Variants in AMOTL1 observed in about 807,000 individuals in gnomAD.
The protein encoded by AMOTL1 is angiomotin-like protein 1.
In AMOTL1, 45 loss-of-function variants were observed where a neutral mutation model predicts 102.9. The observed-to-expected ratio is 0.44, with a 90% CI of 0.34 to 0.56. The LOEUF (loss-of-function observed/expected upper bound fraction) is 0.56, where lower values mean the gene tolerates loss of function less well. AMOTL1 is among the 20% of genes least tolerant of loss of function. The pLI is 0.01. For missense variants in AMOTL1, 1,114 were observed against 1,225.6 expected, an observed-to-expected ratio of 0.91 and a Z score of 1.36; for synonymous variants, 481 against 484.7, an observed-to-expected ratio of 0.99 and a Z score of 0.10.
At chr11:94,835,540 G>A (rs1331062220) in intron 6 of AMOTL1, among the ~76,000 whole-genome samples, 2 of 152,244 alleles carry the variant, frequency 1.3e-5, no homozygotes, top group African/African-American at 2.4e-5. Flanking sequence ...TGAAGAAAAT[G>A]AACTGGTGGA....
intron 4 of AMOTL1, among the ~76,000 whole-genome samples, chr11:94,827,326 ATGG>A (rs1565370322): frequency 6.6e-6 from 1 of 152,208 alleles, no homozygotes; most frequent in African/African-American, 2.4e-5. Context: ...CACCACTCTC[ATGG>A]TGGATGCCTC....
rs1334560331 is a variant in AMOTL1, at chr11:94,872,587, C to T, written c.*1792C>T. On this transcript the variant is annotated 3_prime_UTR_variant, in exon 13 of 13. Transcript: ENST00000433060. ...GAGAGGGAAGGGAAGAAATCAGTGG[C>T]TTTGGCCAGCCTCTGTGCCACCCAG... 1.3e-5 allele frequency: 2 copies of T among 152,412 alleles called. No homozygotes were observed. The highest frequency in any genetic ancestry group is 2.4e-5 in the African/African-American group (1 of 41,436). 9.4% of individuals were successfully genotyped at this position (152,412 alleles called of 1,614,324 possible).
chr11:94,767,588 A>G (rs1236331985), upstream of AMOTL1, among the ~76,000 whole-genome samples: 4 of 152,190 alleles, frequency 2.6e-5, no homozygotes, highest in Admixed American at 6.5e-5. Context: ...CTGCCCGGAA[A>G]AAGCCAGGCA....
At chr11:94,707,283 T>TGTGTGTGTGA (rs1491446043) in intron 1 of AMOTL1, among the ~76,000 whole-genome samples, 4 of 150,384 alleles carry the variant, frequency 2.7e-5, no homozygotes, top group African/African-American at 7.3e-5. Flanking sequence ...TGTGTGTGTG[T>TGTGTGTGTGA]GAAGGCAGAC....
chr11:94,741,036 G>T, intron 3 of AMOTL1: 1 of 1,269,518 alleles, frequency 7.9e-7, no homozygotes, highest in Non-Finnish European at 1.0e-6. Context: ...AATTCTGCCC[G>T]AGAACTGCGA....
At position 94,853,971 on chromosome 11, in the gene AMOTL1, G is replaced by A. The variant is rs745388698; in HGVS notation, c.1833G>A (p.Lys611=). ...AAGCATATGTTGAGAAAGTTGAGAA[G>A]CTGCAGCAGGCCCTGACCCAGCTGC... ...EKQAYVEKVE[K]LQQALTQLQS... is the part of the protein sequence containing the mutation. The change falls in exon 8 of 13, where the codon AAG becomes AAA. Residue 611 remains lysine, a synonymous_variant. Transcript: ENST00000433060. 1.8e-5 allele frequency: 29 copies of A among 1,606,960 alleles called. No homozygotes were observed. The highest frequency in any genetic ancestry group is 4.0e-5 in the African/African-American group (3 of 74,856).
chr11:94,795,443 C>G (rs1196072324), intron 2 of AMOTL1, among the ~76,000 whole-genome samples: 1 of 152,128 alleles, frequency 6.6e-6, no homozygotes, highest in Non-Finnish European at 1.5e-5. Context: ...TTCTCTGATT[C>G]CTAAATACTT....
intron 1 of AMOTL1, among the ~76,000 whole-genome samples, chr11:94,776,214 T>C (rs1951024371): frequency 6.6e-6 from 1 of 152,222 alleles, no homozygotes; most frequent in African/African-American, 2.4e-5. Context: ...ATTCCACACT[T>C]CATCATCCTA....
At chr11:94,747,407 C>A (rs1345408814) in intron 3 of AMOTL1, among the ~76,000 whole-genome samples, 1 of 152,156 alleles carries the variant, frequency 6.6e-6, no homozygotes, top group Non-Finnish European at 1.5e-5. Flanking sequence ...GCCACCAGGG[C>A]TAACTCCCCT....
chr11:94,710,043 C>G (rs1046746685), intron 1 of AMOTL1, among the ~76,000 whole-genome samples: 1 of 152,228 alleles, frequency 6.6e-6, no homozygotes, highest in African/African-American at 2.4e-5. Context: ...ATTTCTCACA[C>G]TCACACATAC....
chr11:94,800,960 TG>T (rs1951466974), intron 3 of AMOTL1, among the ~76,000 whole-genome samples: 1 of 152,224 alleles, frequency 6.6e-6, no homozygotes, highest in Non-Finnish European at 1.5e-5. Flanking sequence ...GAGTGTATGC[TG>T]TACTCTGAAG....
chr11:94,739,805 C>T (rs1295273020), intron 2 of AMOTL1, among the ~76,000 whole-genome samples: 1 of 152,190 alleles, frequency 6.6e-6, no homozygotes, highest in African/African-American at 2.4e-5. Flanking sequence ...CAGTCACAGT[C>T]AGTCCTGGGG....
At chr11:94,843,289 A>G (rs1345622904) in intron 6 of AMOTL1, among the ~76,000 whole-genome samples, 1 of 152,152 alleles carries the variant, frequency 6.6e-6, no homozygotes, top group Non-Finnish European at 1.5e-5. Flanking sequence ...GATCACTCGT[A>G]TGTGTTGTAA....
At chr11:94,753,205 G>C (rs1464706862) in intron 3 of AMOTL1, among the ~76,000 whole-genome samples, 1 of 151,924 alleles carries the variant, frequency 6.6e-6, no homozygotes, top group Non-Finnish European at 1.5e-5. Flanking sequence ...TTGTAGGCGG[G>C]TGATTAGGAT....
chr11:94,738,847 A>AG (rs758961548), intron 2 of AMOTL1, among the ~76,000 whole-genome samples: 4 of 152,140 alleles, frequency 2.6e-5, no homozygotes, highest in Admixed American at 6.5e-5. Flanking sequence ...AGAGGGGATA[A>AG]GCTGGAAAGG....
rs1950655176 is a variant in AMOTL1, at chr11:94,751,632, A to G, written c.136+10644A>G. Among the ~76,000 whole-genome samples the G allele has an allele frequency of 2.0e-5, 3 of 151,916 alleles. No individual in the cohort carries two copies. In the South Asian group the frequency reaches 6.3e-4, roughly 32 times the overall value. ...TTTATTTCAGGGTATTCTAGTTGGGAGAGAGAATGGAGTAGGAAGGGGGAA... is the reference window on the plus strand; with the variant it reads ...TTTATTTCAGGGTATTCTAGTTGGGGGAGAGAATGGAGTAGGAAGGGGGAA... On this transcript the variant is annotated intron_variant, in intron 3 of 4. Coordinates refer to the AMOTL1 transcript ENST00000299004.
At chr11:94,864,930 C>T (rs1952849980) in intron 10 of AMOTL1, 70 bp downstream of exon 10, 1 of 1,533,494 alleles carries the variant, frequency 6.5e-7, no homozygotes, top group East Asian at 2.3e-5. Flanking sequence ...GAACAGATTG[C>T]TTCTCTGTCC....
In AMOTL1 at chr11:94,821,539, C is replaced by T. The variant is rs1436955255; in HGVS notation, c.1131C>T (p.Cys377=). Residue 377 remains cysteine (C), a synonymous_variant, in exon 4 of 13, where the codon TGC becomes TGT. Coordinates refer to ENST00000433060, the MANE Select transcript of AMOTL1 (RefSeq NM_130847.3). ...TTCCATTGCCTTGCAGCCGCCCATG[C>T]CAACTTCCGTTCCCATCAACCATGC... is the stretch of plus-strand genomic sequence containing the variant. ...PPEYGVTSRP[C]QLPFPSTMQQ... 6.2e-7 allele frequency: 1 copy of T among 1,612,688 alleles called. No individual in the cohort carries two copies. The highest frequency in any genetic ancestry group is 1.7e-5 in the Admixed American group (1 of 59,986).
rs926008039 is a variant in AMOTL1, at chr11:94,866,097, G to A, written c.2417G>A (p.Arg806His). ...GCAGCAGCTACTGGGACACACTCTC[G>A]CCAGACCTCTCTTACCAGCAGCCAG... is the stretch of plus-strand genomic sequence containing the variant. ...SIAAATGTHS[R>H]QTSLTSSQLA... Residue 806 changes from arginine to histidine, a missense_variant, in exon 11 of 13, where the codon CGC becomes CAC. Coordinates refer to ENST00000433060, the MANE Select transcript of AMOTL1 (RefSeq NM_130847.3). 6 of 1,613,834 alleles carry A rather than the reference G, an allele frequency of 3.7e-6. No homozygotes were observed. Among genetic ancestry groups the A allele is most frequent in the African/African-American group, 2.7e-5 (2 of 74,888 alleles).
Sources: allele counts gnomAD v4.1 joint callset (sites outside exome capture counted in the v4.1 genomes callset), GRCh38; gene constraint gnomAD v4.1.1; transcripts MANE v1.5; gene names NCBI Gene and HGNC (gene_info 2026-07-23, HGNC 2026-07-21).